The following ADGRB3 variants were observed in gnomAD, a reference collection of about 807,000 sequenced individuals.
ADGRB3 encodes the protein adhesion G protein-coupled receptor B3, also known as brain-specific angiogenesis inhibitor 3.
A neutral mutation model predicts 193.4 loss-of-function variants in ADGRB3; 37 were observed. The observed-to-expected ratio is 0.19, with a 90% CI of 0.15 to 0.25. ADGRB3 has a LOEUF of 0.25. ADGRB3 is among the 10% of genes least tolerant of loss of function. ADGRB3 has a pLI of 1.00. For missense variants in ADGRB3, 1,637 were observed against 1,852.9 expected (o/e 0.88, Z 2.14); for synonymous variants, 690 against 644.2 (o/e 1.07, Z -1.08).
Position 68,993,898 on chromosome 6 carries a change from T to C in ADGRB3, c.1865T>C (p.Ile622Thr). Reference sequence around the variant, plus strand: ...GGCGATCTTCTGATGTCTGTGGAGATCCTGAGAAATGTGACAGACACATTT... The same window carrying C: ...GGCGATCTTCTGATGTCTGTGGAGACCCTGAGAAATGTGACAGACACATTT... ...YAGDLLMSVE[I>T]LRNVTDTFKR... The change falls in exon 11 of 32, where the codon ATC (isoleucine) becomes ACC (threonine). Residue 622 changes from isoleucine (I) to threonine (T), a missense_variant. Ile to Thr is a moderately conservative substitution (Grantham distance 89, BLOSUM62 -1). Coordinates refer to ENST00000370598, the MANE Select transcript of ADGRB3 (RefSeq NM_001704.3). 6.2e-7 allele frequency: 1 copy of C among 1,613,910 alleles called. No homozygotes were observed. The highest frequency in any genetic ancestry group is 8.5e-7 in the Non-Finnish European group (1 of 1,179,852).
chr6:68,953,094 T>C (rs1462030915), intron 6 of ADGRB3, among the ~76,000 whole-genome samples: 1 of 152,156 alleles, frequency 6.6e-6, no homozygotes, highest in Non-Finnish European at 1.5e-5. Flanking sequence ...TAATTCTTCA[T>C]AGAAATACAG....
At chr6:69,021,502 AGTGCTAT>A (rs1418095370) in intron 13 of ADGRB3, among the ~76,000 whole-genome samples, 2 of 151,952 alleles carry the variant, frequency 1.3e-5, no homozygotes, top group African/African-American at 4.8e-5. Flanking sequence ...AAGCAGAAGC[AGTGCTAT>A]TAGAGGCACA....
chr6:69,388,749 C>G lies in ADGRB3; in HGVS notation c.4427C>G (p.Pro1476Arg), dbSNP rs760921251. The G allele has an allele frequency of 1.9e-6, 3 of 1,613,370 alleles. No homozygotes were observed. In the South Asian group the frequency reaches 3.3e-5, roughly 18 times the overall value. Residue 1476 changes from proline (P) to arginine (R), a missense_variant, in exon 32 of 32, where the codon CCC becomes CGC. By Grantham distance (103) the Pro-to-Arg change is moderately radical. Coordinates refer to ENST00000370598, the MANE Select transcript of ADGRB3 (RefSeq NM_001704.3). ...NKNPWDTFKN[P>R]SEYPHYTTIN... ...AATCCATGGGACACTTTCAAAAACC[C>G]CAGTGAATACCCGCATTACACCACA...
At chr6:69,088,356 T>G (rs575084794) in intron 17 of ADGRB3, among the ~76,000 whole-genome samples, 3 of 152,170 alleles carry the variant, frequency 2.0e-5, no homozygotes, top group Admixed American at 1.3e-4. Flanking sequence ...CAATCTTATG[T>G]GTTTCTTTGT....
chr6:68,649,654 A>T (rs1024716979), intron 3 of ADGRB3, among the ~76,000 whole-genome samples: 1 of 152,218 alleles, frequency 6.6e-6, no homozygotes, highest in Non-Finnish European at 1.5e-5. Context: ...AAGACAATCT[A>T]TCTTGGATTT....
At chr6:69,175,852 C>T (rs1299947299) in intron 17 of ADGRB3, among the ~76,000 whole-genome samples, 2 of 152,122 alleles carry the variant, frequency 1.3e-5, no homozygotes, top group Admixed American at 6.5e-5. Context: ...AGATCTTTCA[C>T]CTCCTTGGTT....
At chr6:68,976,330 A>G (rs1326280651) in intron 10 of ADGRB3, among the ~76,000 whole-genome samples, 1 of 152,230 alleles carries the variant, frequency 6.6e-6, no homozygotes, top group African/African-American at 2.4e-5. Context: ...CAAATTCTGT[A>G]CAGCATGTTT....
At chr6:68,972,482 C>G (rs1210525358) in intron 8 of ADGRB3, among the ~76,000 whole-genome samples, 1 of 152,146 alleles carries the variant, frequency 6.6e-6, no homozygotes, top group Non-Finnish European at 1.5e-5. Flanking sequence ...CCCTCCTGCA[C>G]TCAGTTTCTC....
At chr6:68,981,845 G>GTTATTTAT (rs3043275) in intron 10 of ADGRB3, among the ~76,000 whole-genome samples, 3,956 of 139,702 alleles carry the variant, frequency 0.028, 155 homozygotes, top group Non-Finnish European at 0.038. Flanking sequence ...TACCTATTTT[G>GTTATTTAT]TTATTTATTT....
chr6:69,216,777 G>T (rs1765779885), intron 17 of ADGRB3, among the ~76,000 whole-genome samples: 1 of 152,204 alleles, frequency 6.6e-6, no homozygotes, highest in East Asian at 1.9e-4. Flanking sequence ...ACAGTGATTA[G>T]CTTTCAGGGA....
At chr6:69,197,104 A>G (rs1765317124) in intron 17 of ADGRB3, among the ~76,000 whole-genome samples, 1 of 152,076 alleles carries the variant, frequency 6.6e-6, no homozygotes, top group Admixed American at 6.6e-5. Flanking sequence ...TATTATTCAT[A>G]TTAATATCAC....
At chr6:69,262,329 A>G (rs910065533) in intron 20 of ADGRB3, among the ~76,000 whole-genome samples, 2 of 152,052 alleles carry the variant, frequency 1.3e-5, no homozygotes, top group African/African-American at 4.8e-5. Context: ...CACTCAGTAA[A>G]GAGATAGGCA....
chr6:69,146,823 T>C (rs1053339835), intron 17 of ADGRB3, among the ~76,000 whole-genome samples: 11 of 78,720 alleles, frequency 1.4e-4, no homozygotes, highest in Non-Finnish European at 3.3e-4. Flanking sequence ...CATTACTTCT[T>C]TTTTTTTTTT....
intron 13 of ADGRB3, among the ~76,000 whole-genome samples, chr6:69,047,187 G>T (rs932861131): frequency 6.6e-6 from 1 of 152,078 alleles, no homozygotes; most frequent in Non-Finnish European, 1.5e-5. Context: ...CTTTTCAATT[G>T]CAATAGCTTT....
At chr6:69,166,741 C>T (rs1479514512) in intron 17 of ADGRB3, among the ~76,000 whole-genome samples, 1 of 152,052 alleles carries the variant, frequency 6.6e-6, no homozygotes, top group East Asian at 1.9e-4. Flanking sequence ...ATATTAAATA[C>T]TAGGGTTGCA....
At chr6:69,255,848 A>C (rs1766755593) in intron 20 of ADGRB3, among the ~76,000 whole-genome samples, 1 of 152,204 alleles carries the variant, frequency 6.6e-6, no homozygotes, top group Admixed American at 6.5e-5. Context: ...CTAATGTTTA[A>C]GTCTTTAATC....
intron 3 of ADGRB3, among the ~76,000 whole-genome samples, chr6:68,666,176 T>G (rs1012238587): frequency 6.6e-6 from 1 of 151,872 alleles, no homozygotes; most frequent in African/African-American, 2.4e-5. Context: ...AACATTTTGA[T>G]GTATTAGCTC....
At chr6:68,895,554 A>T (rs1766196101) in intron 3 of ADGRB3, among the ~76,000 whole-genome samples, 1 of 152,010 alleles carries the variant, frequency 6.6e-6, no homozygotes, top group Non-Finnish European at 1.5e-5. Flanking sequence ...ACATGAAAAT[A>T]TTTCATATCT....
intron 17 of ADGRB3, among the ~76,000 whole-genome samples, chr6:69,184,156 C>T (rs768873595): frequency 6.6e-6 from 1 of 152,072 alleles, no homozygotes; most frequent in Non-Finnish European, 1.5e-5. Context: ...ACCTTCATCT[C>T]GTCATAGCTG....
Sources: gnomAD v4.1 joint callset for allele counts (sites outside exome capture counted in the v4.1 genomes callset) on GRCh38, gnomAD v4.1.1 for gene constraint, MANE v1.5 for transcripts, NCBI Gene and HGNC (gene_info 2026-07-23, HGNC 2026-07-21) for gene names.